The following QNG1 variants were observed in gnomAD, a reference collection of about 807,000 sequenced individuals.
QNG1 encodes queuosine 5'-phosphate N-glycosylase/hydrolase.
chr9:83,954,373 T>C, the QNG1 span, among the ~76,000 whole-genome samples: 2 of 152,020 alleles, frequency 1.3e-5, no homozygotes, highest in Admixed American at 6.6e-5. Flanking sequence ...GAATGAAATA[T>C]TGATTAGAAA....
chr9:83,955,465 G>A, the QNG1 span: 2 of 1,614,112 alleles, frequency 1.2e-6, no homozygotes, highest in Non-Finnish European at 8.5e-7. Flanking sequence ...CACTTTCTCG[G>A]ACGCAGTTGA....
chr9:83,955,567 G>A, the QNG1 span: 11 of 1,614,126 alleles, frequency 6.8e-6, no homozygotes, highest in Non-Finnish European at 9.3e-6. Context: ...AAACGTCTGT[G>A]TCAGAACGAA....
the QNG1 span, chr9:83,939,751 G>A: frequency 6.2e-7 from 1 of 1,602,096 alleles, no homozygotes. Context: ...CTCCTGCAAG[G>A]GGGAAAAGCA....
chr9:83,939,388 A>T, the QNG1 span: 1 of 689,854 alleles, frequency 1.4e-6, no homozygotes, highest in Non-Finnish European at 2.5e-6. Flanking sequence ...GTATTTTTCA[A>T]GTGAGAATGG....
the QNG1 span, among the ~76,000 whole-genome samples, chr9:83,947,759 C>G: frequency 6.6e-6 from 1 of 152,248 alleles, no homozygotes; most frequent in African/African-American, 2.4e-5. Flanking sequence ...GAGTGATCTG[C>G]CCGCCTGGGC....
At chr9:83,948,880 G>A in the QNG1 span, among the ~76,000 whole-genome samples, 1 of 152,062 alleles carries the variant, frequency 6.6e-6, no homozygotes, top group African/African-American at 2.4e-5. Flanking sequence ...TTGTTAAACA[G>A]ATGCTTGAAG....
chr9:83,947,291 G>A, the QNG1 span, among the ~76,000 whole-genome samples: 55 of 151,914 alleles, frequency 3.6e-4, no homozygotes, highest in African/African-American at 1.3e-3. Flanking sequence ...AAATAAATAC[G>A]AGATTAAAAG....
chr9:83,954,113 T>G, the QNG1 span, among the ~76,000 whole-genome samples: 1 of 151,976 alleles, frequency 6.6e-6, no homozygotes, highest in South Asian at 2.1e-4. Context: ...AGGCTGGTCT[T>G]GAGCTCCTGA....
At chr9:83,943,068 G>T in the QNG1 span, among the ~76,000 whole-genome samples, 1 of 152,236 alleles carries the variant, frequency 6.6e-6, no homozygotes, top group Non-Finnish European at 1.5e-5. Context: ...GAAGCTGGGC[G>T]TGGTGGCTCA....
the QNG1 span, among the ~76,000 whole-genome samples, chr9:83,940,778 A>G: frequency 4.6e-5 from 7 of 152,220 alleles, no homozygotes; most frequent in Non-Finnish European, 1.0e-4. Context: ...TCTGGCCACC[A>G]AACTGCACCC....
chr9:83,955,549 A>C, the QNG1 span: 12 of 1,614,238 alleles, frequency 7.4e-6, no homozygotes, highest in Non-Finnish European at 9.3e-6. Flanking sequence ...CTTCTACTAA[A>C]GGCATGGAAA....
the QNG1 span, among the ~76,000 whole-genome samples, chr9:83,951,540 G>A: frequency 2.0e-5 from 3 of 152,222 alleles, no homozygotes; most frequent in Admixed American, 2.0e-4. Context: ...CAGCCTGGGT[G>A]ACAGCGAGAC....
At chr9:83,953,933 C>T in the QNG1 span, 6 of 898,762 alleles carry the variant, frequency 6.7e-6, no homozygotes, top group Admixed American at 6.5e-5. Context: ...AATTCTGTCT[C>T]GTCTAGGCTG....
chr9:83,940,469 T>C, the QNG1 span, among the ~76,000 whole-genome samples: 1 of 152,098 alleles, frequency 6.6e-6, no homozygotes, highest in East Asian at 1.9e-4. Context: ...AAATAAATAT[T>C]TATTTTGGGA....
chr9:83,946,209 G>A, the QNG1 span, among the ~76,000 whole-genome samples: 3 of 151,974 alleles, frequency 2.0e-5, no homozygotes, highest in East Asian at 5.8e-4. Context: ...GGAGGCTGAG[G>A]TAGAAGAATT....
the QNG1 span, among the ~76,000 whole-genome samples, chr9:83,944,597 A>G: frequency 6.6e-6 from 1 of 152,360 alleles, no homozygotes; most frequent in East Asian, 1.9e-4. Context: ...ACAATTTTCT[A>G]CAATATCCAC....
At chr9:83,955,769 T>A in the QNG1 span, 1 of 861,278 alleles carries the variant, frequency 1.2e-6, no homozygotes. Context: ...AGTGGAAGAA[T>A]AAAAAATCTA....
At chr9:83,948,233 T>C in the QNG1 span, among the ~76,000 whole-genome samples, 1 of 148,822 alleles carries the variant, frequency 6.7e-6, no homozygotes, top group Non-Finnish European at 1.5e-5. Context: ...GGAGCGTTTC[T>C]GGCCGGCCGC....
the QNG1 span, among the ~76,000 whole-genome samples, chr9:83,943,352 AAAAAAAG>A: frequency 2.0e-5 from 3 of 148,918 alleles, no homozygotes; most frequent in African/African-American, 7.5e-5. Context: ...AAAAAAAAAA[AAAAAAAG>A]AAAGAACACT....
Sources: allele counts gnomAD v4.1 joint callset (sites outside exome capture counted in the v4.1 genomes callset), GRCh38; gene constraint gnomAD v4.1.1; transcripts MANE v1.5; gene names NCBI Gene and HGNC (gene_info 2026-07-23, HGNC 2026-07-21).